CLEC1B: variants seen among roughly 807,000 people sequenced by gnomAD.
CLEC1B encodes C-type lectin domain family 1 member B.
Under a neutral mutation model 26.7 loss-of-function variants are expected in CLEC1B, and 26 were observed. That is an observed-to-expected ratio of 0.97 (90% CI 0.71 to 1.35). The LOEUF (loss-of-function observed/expected upper bound fraction) is 1.35, where lower values mean the gene tolerates loss of function less well. CLEC1B is among the 40% of genes most tolerant of loss of function. The pLI, the probability that CLEC1B is intolerant of heterozygous loss-of-function variation, is 0.00. For missense variants in CLEC1B, 293 were observed against 282.6 expected (o/e 1.04, Z -0.26); for synonymous variants, 112 against 96.0 (o/e 1.17, Z -0.97).
intron 5 of CLEC1B, among the ~76,000 whole-genome samples, chr12:9,994,134 T>C (rs1864969570): frequency 2.6e-5 from 4 of 152,080 alleles, no homozygotes; most frequent in Admixed American, 2.6e-4. Context: ...GAAGAAGTGA[T>C]GTTTAAATAG....
At chr12:9,996,014 A>G (rs772716061) in intron 4 of CLEC1B, among the ~76,000 whole-genome samples, 1 of 152,206 alleles carries the variant, frequency 6.6e-6, no homozygotes, top group Non-Finnish European at 1.5e-5. Flanking sequence ...AATTATGTGA[A>G]GGCCAAATGC....
rs200670719 is a variant in CLEC1B, at chr12:9,998,317, C to A, written c.128G>T (p.Gly43Val). Residue 43 changes from glycine (G) to valine (V), a missense_variant, in exon 2 of 6, where the codon GGG becomes GTG. Physicochemically the swap from Gly to Val is moderately radical, Grantham distance 109. Coordinates refer to ENST00000298527, the MANE Select transcript of CLEC1B (RefSeq NM_016509.4). Reference protein sequence around the residue: ...MALILLILCVGMVVGLVALGI... With the variant: ...MALILLILCVVMVVGLVALGI... ...CAGAGCCACCAGCCCGACAACCATC[C>A]CCACGCACAGGATCAGCAGAATCAA... is the stretch of plus-strand genomic sequence containing the variant. The A allele has an allele frequency of 1.6e-4, 259 of 1,614,036 alleles. No homozygotes were observed. The highest frequency in any genetic ancestry group is 3.3e-4 in the Middle Eastern group (2 of 6,062).
rs762074150 is a variant in CLEC1B, at chr12:9,998,322, G to A, written c.123C>T (p.Cys41=). 6.0e-5 allele frequency: 97 copies of A among 1,613,780 alleles called. No homozygotes were observed. The highest frequency in any genetic ancestry group is 1.9e-4 in the South Asian group (17 of 91,084). Residue 41 remains cysteine (C), a synonymous_variant, in exon 2 of 6, where the codon TGC becomes TGT. Transcript: ENST00000298527. The part of the protein sequence containing the change: ...RVMALILLIL[C]VGMVVGLVAL... ...CCACCAGCCCGACAACCATCCCCACGCACAGGATCAGCAGAATCAAAGCCA... is the reference window on the plus strand; with the variant it reads ...CCACCAGCCCGACAACCATCCCCACACACAGGATCAGCAGAATCAAAGCCA...
Position 9,998,384 on chromosome 12 carries a change from T to A in CLEC1B, c.65-4A>T. On this transcript the variant is annotated splice_polypyrimidine_tract_variant and splice_region_variant and intron_variant, in intron 1 of 5. Transcript: ENST00000298527. Reference sequence around the variant, plus strand: ...CAGGAGGAGGATGCAGAGCCAACTGTAGGCATATAATAAAGACATCAAGGA... The same window carrying A: ...CAGGAGGAGGATGCAGAGCCAACTGAAGGCATATAATAAAGACATCAAGGA... 6.2e-7 allele frequency: 1 copy of A among 1,608,074 alleles called. No homozygotes were observed. Among genetic ancestry groups the A allele is most frequent in the Non-Finnish European group, 8.5e-7 (1 of 1,174,592 alleles).
chr12:9,993,797 TAA>T (rs760117268), intron 5 of CLEC1B, among the ~76,000 whole-genome samples: 1 of 152,174 alleles, frequency 6.6e-6, no homozygotes, highest in East Asian at 1.9e-4. Context: ...AATTGTCTGT[TAA>T]GTTATATTTC....
chr12:9,997,969 T>C (rs1436943441), intron 2 of CLEC1B, among the ~76,000 whole-genome samples: 1 of 104,784 alleles, frequency 9.5e-6, no homozygotes, highest in African/African-American at 3.2e-5. Flanking sequence ...GGCTGGTTCT[T>C]AGGAATGCAA....
intron 3 of CLEC1B, 29 bp from the exon 4 acceptor site, chr12:9,997,029 A>AT: frequency 6.2e-7 from 1 of 1,612,090 alleles, no homozygotes; most frequent in Non-Finnish European, 8.5e-7. Context: ...GGAATGGTGT[A>AT]TTTTTTCTAA....
chr12:9,998,550 C>T (rs1283267454), intron 1 of CLEC1B, among the ~76,000 whole-genome samples, 170 bp from the exon 2 acceptor site: 1 of 129,472 alleles, frequency 7.7e-6, no homozygotes, highest in Admixed American at 7.7e-5. Flanking sequence ...TAGGCATGGC[C>T]CACCCCTATA....
intron 2 of CLEC1B, 97 bp downstream of exon 2, chr12:9,998,185 C>G: frequency 3.3e-6 from 3 of 906,868 alleles, no homozygotes; most frequent in Admixed American, 1.8e-5. Flanking sequence ...AAGTGATAAA[C>G]AGACAAATAG....
intron 4 of CLEC1B, 141 bp from the exon 5 acceptor site, chr12:9,995,387 T>C: frequency 1.3e-6 from 1 of 757,346 alleles, no homozygotes; most frequent in Non-Finnish European, 2.3e-6. Context: ...CATTTGATGT[T>C]TGAAATTGTA....
chr12:9,999,466 C>T (rs1027709551), upstream of CLEC1B, among the ~76,000 whole-genome samples: 12 of 152,118 alleles, frequency 7.9e-5, no homozygotes, highest in Non-Finnish European at 1.3e-4. Context: ...CTAGCTTAGT[C>T]TAAATTACAT....
At chr12:9,993,323 A>G (rs770823203) in intron 5 of CLEC1B, 36 bp from the exon 6 acceptor site, 3 of 1,572,928 alleles carry the variant, frequency 1.9e-6, no homozygotes, top group South Asian at 1.1e-5. Context: ...TCCTTTGAAA[A>G]CTGAGCAAAC....
At chr12:10,001,763 C>A (rs761666803), upstream of CLEC1B, among the ~76,000 whole-genome samples, 6 of 152,178 alleles carry the variant, frequency 3.9e-5, no homozygotes, top group Non-Finnish European at 8.8e-5. Flanking sequence ...CTTTTAATCA[C>A]CCTCCAAGTC....
At chr12:9,996,018 C>T (rs969732463) in intron 4 of CLEC1B, among the ~76,000 whole-genome samples, 2 of 151,930 alleles carry the variant, frequency 1.3e-5, no homozygotes, top group African/African-American at 4.8e-5. Flanking sequence ...ATGTGAAGGC[C>T]AAATGCTTAT....
chr12:9,997,427 G>C (rs1865081329), intron 2 of CLEC1B, 148 bp from the exon 3 acceptor site: 1 of 697,366 alleles, frequency 1.4e-6, no homozygotes, highest in Admixed American at 2.9e-5. Context: ...TGAAAAGTGT[G>C]GAGGGGCTAT....
At chr12:9,997,354 T>C (rs1865080226) in intron 2 of CLEC1B, 75 bp from the exon 3 acceptor site, 2 of 1,370,266 alleles carry the variant, frequency 1.5e-6, no homozygotes, top group Non-Finnish European at 2.0e-6. Flanking sequence ...TCATTGAATT[T>C]TCATTTCCTT....
In CLEC1B at chr12:9,995,262, A is replaced by G. The variant is rs1865012403; in HGVS notation, c.439-16T>C. ...TGATGTACTCCTATTGTAAACATAAATAAACACAATGGTCAGAATCCCTCC... is the reference window on the plus strand; with the variant it reads ...TGATGTACTCCTATTGTAAACATAAGTAAACACAATGGTCAGAATCCCTCC... On this transcript the variant is annotated splice_polypyrimidine_tract_variant and intron_variant, in intron 4 of 5. Coordinates refer to ENST00000298527, the MANE Select transcript of CLEC1B (RefSeq NM_016509.4). 1 of 1,590,814 alleles carries G rather than the reference A, an allele frequency of 6.3e-7. No individual in the cohort carries two copies. The highest frequency in any genetic ancestry group is 8.6e-7 in the Non-Finnish European group (1 of 1,159,480).
chr12:9,998,183 A>C, intron 2 of CLEC1B, 99 bp downstream of exon 2: 1 of 892,284 alleles, frequency 1.1e-6, no homozygotes, highest in Non-Finnish European at 1.9e-6. Context: ...AGAAGTGATA[A>C]ACAGACAAAT....
At chr12:9,994,262 T>C (rs1417123210) in intron 5 of CLEC1B, among the ~76,000 whole-genome samples, 1 of 152,006 alleles carries the variant, frequency 6.6e-6, no homozygotes, top group Non-Finnish European at 1.5e-5. Flanking sequence ...TGGAAGAATG[T>C]AAAGAACACT....
Sources: gnomAD v4.1 joint callset for allele counts (sites outside exome capture counted in the v4.1 genomes callset) on GRCh38, gnomAD v4.1.1 for gene constraint, MANE v1.5 for transcripts, NCBI Gene and HGNC (gene_info 2026-07-23, HGNC 2026-07-21) for gene names.